LDLRAD4: variants seen among roughly 807,000 people sequenced by gnomAD.
The protein encoded by LDLRAD4 is low density lipoprotein receptor class A domain containing 4.
LDLRAD4 carries 5 observed loss-of-function variants against 17.0 expected under a neutral mutation model. The ratio of observed to expected loss-of-function variants is 0.29; its 90% CI spans 0.15 to 0.62. The LOEUF (loss-of-function observed/expected upper bound fraction) is 0.62, where lower values mean the gene tolerates loss of function less well. Among genes scored for constraint, LDLRAD4 ranks in the 20% least tolerant of loss-of-function variants. The pLI is 0.84. For missense variants in LDLRAD4, 340 were observed against 424.7 expected, an observed-to-expected ratio of 0.80 and a Z score of 1.75; for synonymous variants, 168 against 171.8, an observed-to-expected ratio of 0.98 and a Z score of 0.17.
chr18:13,235,438 A>G (rs183258741), intron 1 of LDLRAD4, among the ~76,000 whole-genome samples: 154 of 152,320 alleles, frequency 1.0e-3, no homozygotes, highest in Admixed American at 5.0e-3. Flanking sequence ...CATCTTTTCA[A>G]AGAAGACTAA....
At chr18:13,593,991 A>G (rs979002349) in intron 3 of LDLRAD4, among the ~76,000 whole-genome samples, 3 of 152,098 alleles carry the variant, frequency 2.0e-5, no homozygotes, top group African/African-American at 7.2e-5. Flanking sequence ...CTTTTCCTCC[A>G]AAGCTTTCTT....
intron 3 of LDLRAD4, among the ~76,000 whole-genome samples, chr18:13,594,675 A>AAAAAAAAAAAAAAAG: frequency 6.8e-6 from 1 of 147,610 alleles, no homozygotes; most frequent in Non-Finnish European, 1.5e-5. Context: ...CAAAAAAAAA[A>AAAAAAAAAAAAAAAG]AAAAAAAAAA....
At chr18:13,516,428 C>T (rs2093867468) in intron 3 of LDLRAD4, among the ~76,000 whole-genome samples, 1 of 152,188 alleles carries the variant, frequency 6.6e-6, no homozygotes, top group Non-Finnish European at 1.5e-5. Context: ...CTTGGTGGCA[C>T]AGTACAGATC....
chr18:13,603,081 C>T (rs2095182830), intron 3 of LDLRAD4, among the ~76,000 whole-genome samples: 1 of 149,294 alleles, frequency 6.7e-6, no homozygotes, highest in African/African-American at 2.5e-5. Context: ...TTTAAAGTAC[C>T]TTTTTATACT....
intron 2 of LDLRAD4, among the ~76,000 whole-genome samples, chr18:13,403,608 C>T (rs1265136588): frequency 6.6e-6 from 1 of 152,208 alleles, no homozygotes; most frequent in Non-Finnish European, 1.5e-5. Context: ...TTAACATGGT[C>T]TCTGAGACCC....
intron 1 of LDLRAD4, among the ~76,000 whole-genome samples, chr18:13,359,100 G>A (rs2083509226): frequency 6.6e-6 from 1 of 152,184 alleles, no homozygotes; most frequent in Non-Finnish European, 1.5e-5. Context: ...CAGTGCACGT[G>A]GTTACTCCAT....
chr18:13,307,472 A>G (rs1044585827), intron 1 of LDLRAD4, among the ~76,000 whole-genome samples: 3 of 152,190 alleles, frequency 2.0e-5, no homozygotes, highest in Non-Finnish European at 2.9e-5. Context: ...GGCTGAGTGC[A>G]GTGGTGCCAT....
At chr18:13,491,406 T>C (rs2093355922) in intron 3 of LDLRAD4, 1 of 152,210 alleles carries the variant, frequency 6.6e-6, no homozygotes, top group African/African-American at 2.4e-5. Flanking sequence ...CCTGTGTGTG[T>C]GTGTCCAGCT....
chr18:13,286,024 C>G (rs574220952), intron 1 of LDLRAD4, among the ~76,000 whole-genome samples: 1 of 152,300 alleles, frequency 6.6e-6, no homozygotes, highest in African/African-American at 2.4e-5. Context: ...ACCATCACCA[C>G]CATCCATTTC....
intron 1 of LDLRAD4, among the ~76,000 whole-genome samples, chr18:13,266,144 G>A (rs1373687706): frequency 6.6e-6 from 1 of 152,184 alleles, no homozygotes; most frequent in Non-Finnish European, 1.5e-5. Context: ...CGGTTGTTCT[G>A]TAGTTTGGAC....
At chr18:13,316,385 A>G (rs1055124575) in intron 1 of LDLRAD4, among the ~76,000 whole-genome samples, 3 of 152,226 alleles carry the variant, frequency 2.0e-5, no homozygotes, top group African/African-American at 7.2e-5. Flanking sequence ...GAAGGCCACC[A>G]AAGGGCATTT....
At chr18:13,425,438 A>G (rs949346362) in intron 2 of LDLRAD4, among the ~76,000 whole-genome samples, 1 of 152,146 alleles carries the variant, frequency 6.6e-6, no homozygotes, top group Admixed American at 6.5e-5. Context: ...GCACTTTTCC[A>G]CAGAGATAGT....
intron 3 of LDLRAD4, among the ~76,000 whole-genome samples, chr18:13,525,507 C>T (rs1037843809): frequency 1.3e-5 from 2 of 152,230 alleles, no homozygotes; most frequent in Non-Finnish European, 2.9e-5. Flanking sequence ...AAACGTCATT[C>T]GTTTTGCAGA....
At chr18:13,640,897 A>C (rs1601873983) in intron 4 of LDLRAD4, among the ~76,000 whole-genome samples, 7 of 152,214 alleles carry the variant, frequency 4.6e-5, no homozygotes. Flanking sequence ...TTATTTAACA[A>C]ATTAAACAAT....
At chr18:13,313,286 G>T (rs1464799800) in intron 1 of LDLRAD4, among the ~76,000 whole-genome samples, 1 of 152,182 alleles carries the variant, frequency 6.6e-6, no homozygotes, top group Non-Finnish European at 1.5e-5. Context: ...GGATTAGGAC[G>T]CCAGCCTAGG....
At chr18:13,522,172 A>G (rs915624705) in intron 3 of LDLRAD4, 17 of 152,150 alleles carry the variant, frequency 1.1e-4, no homozygotes, top group African/African-American at 3.9e-4. Flanking sequence ...CTTGCTTTTT[A>G]GCAGTGGCTG....
At chr18:13,338,943 AGAC>A (rs1254948386) in intron 1 of LDLRAD4, among the ~76,000 whole-genome samples, 3 of 152,166 alleles carry the variant, frequency 2.0e-5, no homozygotes, top group Non-Finnish European at 2.9e-5. Context: ...AGGAGGGAAA[AGAC>A]AACTTCTTTT....
exon 6 of LDLRAD4, chr18:13,649,948 AG>A: frequency 2.5e-6 from 1 of 397,660 alleles, no homozygotes; most frequent in Non-Finnish European, 4.4e-6. Flanking sequence ...AGGTGGGCAA[AG>A]GGAGAACTTC....
chr18:13,499,325 CAT>C (rs2093566511), intron 3 of LDLRAD4, among the ~76,000 whole-genome samples: 1 of 138,578 alleles, frequency 7.2e-6, no homozygotes. Context: ...CACGTCCCGC[CAT>C]GGATACTGGA....
Sources: gnomAD v4.1 joint callset for allele counts (sites outside exome capture counted in the v4.1 genomes callset) on GRCh38, gnomAD v4.1.1 for gene constraint, MANE v1.5 for transcripts, NCBI Gene and HGNC (gene_info 2026-07-23, HGNC 2026-07-21) for gene names.